Variants in C8orf34 observed in about 807,000 individuals in gnomAD.
C8orf34 encodes the protein uncharacterized protein C8orf34.
C8orf34 carries 65 observed loss-of-function variants against 68.3 expected under a neutral mutation model. The observed-to-expected ratio is 0.95, with a 90% CI of 0.78 to 1.17. C8orf34 has a LOEUF of 1.17. Ranked by LOEUF, C8orf34 falls within the 50% of genes most tolerant of loss-of-function variation. The pLI is 0.00. For synonymous variants in C8orf34, 244 were observed against 241.2 expected (o/e 1.01, Z -0.11); for missense variants, 664 against 655.4 (o/e 1.01, Z -0.14).
chr8:68,657,161 T>A (rs578177101), intron 8 of C8orf34, among the ~76,000 whole-genome samples: 1 of 152,326 alleles, frequency 6.6e-6, no homozygotes, highest in African/African-American at 2.4e-5. Context: ...TCCTTACTTA[T>A]AACTCCACAA....
At chr8:68,590,833 G>A (rs1166031112) in intron 7 of C8orf34, among the ~76,000 whole-genome samples, 1 of 152,084 alleles carries the variant, frequency 6.6e-6, no homozygotes, top group Non-Finnish European at 1.5e-5. Context: ...GCTTCCCCTG[G>A]CCAGCGATAT....
At chr8:68,515,823 T>C (rs1167557268) in intron 5 of C8orf34, among the ~76,000 whole-genome samples, 1 of 152,230 alleles carries the variant, frequency 6.6e-6, no homozygotes, top group Admixed American at 6.5e-5. Context: ...TGTGATGTAC[T>C]GGCCTTCAGC....
chr8:68,429,614 TCAAA>T (rs1810370065), intron 1 of C8orf34, among the ~76,000 whole-genome samples: 1 of 152,202 alleles, frequency 6.6e-6, no homozygotes, highest in Non-Finnish European at 1.5e-5. Flanking sequence ...ATGGAAATAC[TCAAA>T]TACCTTTAAT....
At chr8:68,466,755 A>G (rs996195932) in intron 3 of C8orf34, among the ~76,000 whole-genome samples, 2 of 143,238 alleles carry the variant, frequency 1.4e-5, no homozygotes, top group Non-Finnish European at 3.0e-5. Flanking sequence ...ATATATATAT[A>G]TATATATATA....
chr8:68,773,907 C>T (rs1053304733), intron 10 of C8orf34, among the ~76,000 whole-genome samples: 14 of 152,108 alleles, frequency 9.2e-5, no homozygotes, highest in Admixed American at 5.9e-4. Context: ...TAAGAAAACC[C>T]ACGGTCATCA....
chr8:68,539,379 T>C (rs969394846), intron 7 of C8orf34, among the ~76,000 whole-genome samples: 5 of 151,164 alleles, frequency 3.3e-5, no homozygotes, highest in South Asian at 2.1e-4. Flanking sequence ...CAAAGAAGTG[T>C]AATTAATTCA....
At chr8:68,763,182 T>G (rs1823070159) in intron 10 of C8orf34, among the ~76,000 whole-genome samples, 1 of 152,334 alleles carries the variant, frequency 6.6e-6, no homozygotes, top group South Asian at 2.1e-4. Context: ...AAACAAAAAT[T>G]TAAGACTAGG....
chr8:68,675,585 A>C lies in C8orf34; in HGVS notation c.1242-33409A>C, dbSNP rs1363398340. ...AATCTCAAATAAAAAAAAAACACAC[A>C]CAAAATATAAAAAGCAAGAAATAAA... is the stretch of plus-strand genomic sequence containing the variant. On this transcript the variant is annotated intron_variant, in intron 8 of 13. Transcript: ENST00000518698. Among the ~76,000 whole-genome samples the C allele has an allele frequency of 2.6e-5, 4 of 151,942 alleles. No homozygotes were observed. In the East Asian group the frequency reaches 7.7e-4, roughly 29 times the overall value.
intron 12 of C8orf34, among the ~76,000 whole-genome samples, chr8:68,812,006 G>A (rs1024661857): frequency 1.3e-5 from 2 of 152,174 alleles, no homozygotes; most frequent in African/African-American, 4.8e-5. Flanking sequence ...CATCAAGAGA[G>A]GAATGATCTC....
intron 10 of C8orf34, among the ~76,000 whole-genome samples, chr8:68,771,581 C>T (rs1222456229): frequency 1.3e-5 from 2 of 152,192 alleles, no homozygotes; most frequent in African/African-American, 4.8e-5. Context: ...CCCAAATTTT[C>T]CTTCTTCCTA....
intron 8 of C8orf34, among the ~76,000 whole-genome samples, chr8:68,694,423 C>T (rs1231032651): frequency 1.3e-5 from 2 of 151,848 alleles, no homozygotes; most frequent in Non-Finnish European, 2.9e-5. Flanking sequence ...AGTCTAAGTT[C>T]CTCAGTTTTG....
At chr8:68,782,912 A>C (rs1157983911) in intron 11 of C8orf34, among the ~76,000 whole-genome samples, 1 of 151,884 alleles carries the variant, frequency 6.6e-6, no homozygotes, top group East Asian at 1.9e-4. Context: ...AAAGAAAAAA[A>C]AAAGAAAAAG....
chr8:68,516,632 T>G (rs1430369077), intron 5 of C8orf34, among the ~76,000 whole-genome samples: 4 of 151,072 alleles, frequency 2.6e-5, no homozygotes, highest in African/African-American at 9.8e-5. Context: ...ATTTATTTAT[T>G]TATTTATTTA....
chr8:68,334,116 G>A (rs1282422407), intron 1 of C8orf34, among the ~76,000 whole-genome samples: 1 of 152,024 alleles, frequency 6.6e-6, no homozygotes, highest in East Asian at 1.9e-4. Context: ...TTCTTACTTA[G>A]TTTATTGCTA....
chr8:68,460,233 G>C, intron 3 of C8orf34, among the ~76,000 whole-genome samples: 1 of 151,552 alleles, frequency 6.6e-6, no homozygotes, highest in East Asian at 1.9e-4. Context: ...CAGCGAGGCT[G>C]GGGGAGGGGC....
At chr8:68,534,886 T>C (rs1212638256) in intron 7 of C8orf34, 2 of 985,272 alleles carry the variant, frequency 2.0e-6, no homozygotes, top group African/African-American at 3.5e-5. Context: ...GACTATCTAA[T>C]GATGAGCAAT....
intron 10 of C8orf34, among the ~76,000 whole-genome samples, chr8:68,768,284 C>G (rs1419797111): frequency 6.6e-6 from 1 of 152,106 alleles, no homozygotes; most frequent in African/African-American, 2.4e-5. Flanking sequence ...TGTATATTTC[C>G]TGCCCTACAC....
intron 1 of C8orf34, among the ~76,000 whole-genome samples, chr8:68,380,627 T>G (rs1807991241): frequency 6.6e-6 from 1 of 152,238 alleles, no homozygotes; most frequent in Admixed American, 6.5e-5. Flanking sequence ...TGGAATTTAT[T>G]GAATGCATCA....
chr8:68,756,326 T>G lies in C8orf34; in HGVS notation c.1405-20073T>G, dbSNP rs182961114. Reference sequence around the variant, plus strand: ...CACTTACACAGAATTAATTCCATTATGTACTAATTCACTCTATTTTGAAAA... The same window carrying G: ...CACTTACACAGAATTAATTCCATTAGGTACTAATTCACTCTATTTTGAAAA... On this transcript the variant is annotated intron_variant, in intron 10 of 13. Transcript: ENST00000518698. Among the ~76,000 whole-genome samples, 536 of 152,342 alleles carry G rather than the reference T, an allele frequency of 3.5e-3. 4 individuals are homozygous for G. Among genetic ancestry groups the G allele is most frequent in the African/African-American group, 0.012 (512 of 41,568 alleles).
Sources: allele counts gnomAD v4.1 joint callset (sites outside exome capture counted in the v4.1 genomes callset), GRCh38; gene constraint gnomAD v4.1.1; transcripts MANE v1.5; gene names NCBI Gene and HGNC (gene_info 2026-07-23, HGNC 2026-07-21).